Variants in DIP2C observed in about 807,000 individuals in gnomAD.
DIP2C encodes the protein disco-interacting protein 2 homolog C.
DIP2C carries 33 observed loss-of-function variants against 192.4 expected under a neutral mutation model. The observed-to-expected ratio is 0.17, with a 90% CI of 0.13 to 0.23. The LOEUF is 0.23. Ranked by LOEUF, DIP2C falls within the 10% of genes least tolerant of loss-of-function variation. The pLI is 1.00. For synonymous variants in DIP2C, 979 were observed against 864.1 expected (o/e 1.13, Z -2.33); for missense variants, 1,537 against 2,110.1 (o/e 0.73, Z 5.32).
intron 1 of DIP2C, among the ~76,000 whole-genome samples, chr10:686,710 G>A (rs1237057301): frequency 6.6e-6 from 1 of 152,252 alleles, no homozygotes; most frequent in East Asian, 1.9e-4. Context: ...CCCTGTGAGG[G>A]GGCACAGGGC....
Position 300,896 on chromosome 10 carries a change from CCTT to C in DIP2C, c.3986+9132_3986+9134del, listed in dbSNP as rs375196088. 3.4e-4 allele frequency among the ~76,000 whole-genome samples: 52 copies of C among 152,340 alleles called. No homozygotes were observed. The East Asian group carries it at 6.2e-3, about 18-fold the overall frequency. On this transcript the variant is annotated intron_variant, in intron 32 of 36. Coordinates refer to ENST00000280886, the MANE Select transcript of DIP2C (RefSeq NM_014974.3). The stretch of plus-strand genomic sequence containing the variant: ...ACTCGCTCTAAGCAGCCGGGCAACT[CCTT>C]CTCCACAGAAAGGACTTGAAAAGTA...
rs756213161 is a variant in DIP2C, at chr10:277,337, G to C, written c.4659C>G (p.Ala1553=). 7.1e-5 allele frequency: 115 copies of C among 1,613,952 alleles called. No homozygotes were observed. The highest frequency in any genetic ancestry group is 9.6e-5 in the Non-Finnish European group (113 of 1,180,042). The change falls in exon 37 of 37, where the codon GCC becomes GCG. Residue 1553 remains alanine, a synonymous_variant. Transcript: ENST00000280886. ...LADQLDPIYV[A]YNM ...CCAAGAGACGAGACTACATGTTGTA[G>C]GCCACATAGATGGGGTCTAGCTGGT...
chr10:552,069 T>A (rs1588445730), intron 1 of DIP2C, among the ~76,000 whole-genome samples: 1 of 152,298 alleles, frequency 6.6e-6, no homozygotes, highest in Non-Finnish European at 1.5e-5. Flanking sequence ...GAATCCTGGG[T>A]GAGCCAGACT....
At chr10:307,341 TGCA>T (rs1956369525) in intron 32 of DIP2C, among the ~76,000 whole-genome samples, 1 of 152,214 alleles carries the variant, frequency 6.6e-6, no homozygotes, top group African/African-American at 2.4e-5. Flanking sequence ...TGCCAGTGGC[TGCA>T]GCACCAGGCA....
At chr10:673,886 G>A (rs1278113627) in intron 1 of DIP2C, among the ~76,000 whole-genome samples, 1 of 152,222 alleles carries the variant, frequency 6.6e-6, no homozygotes, top group Non-Finnish European at 1.5e-5. Context: ...TTAAGATATT[G>A]AGACCATCAC....
rs1954565865 is a variant in DIP2C, at chr10:277,292, T to C, written c.*33A>G. ...GGACACGGAGAACAATGTCTACATC[T>C]CTAGAAAAGTCCATGGAAGCCAAGA... On this transcript the variant is annotated 3_prime_UTR_variant, in exon 37 of 37. Transcript: ENST00000280886. 6.2e-7 allele frequency: 1 copy of C among 1,609,402 alleles called. No individual in the cohort carries two copies. The highest frequency in any genetic ancestry group is 1.3e-5 in the African/African-American group (1 of 74,856).
At chr10:278,298 G>A (rs931665111) in intron 36 of DIP2C, among the ~76,000 whole-genome samples, 5 of 152,278 alleles carry the variant, frequency 3.3e-5, no homozygotes, top group Admixed American at 6.5e-5. Context: ...TGTCTGTGCA[G>A]TGCGCCTGAG....
intron 1 of DIP2C, among the ~76,000 whole-genome samples, chr10:674,785 T>TAGAGAGAG (rs778232277): frequency 7.6e-5 from 7 of 91,982 alleles, no homozygotes; most frequent in African/African-American, 3.1e-4. Flanking sequence ...TATATATATA[T>TAGAGAGAG]ATATAGAGAG....
intron 2 of DIP2C, among the ~76,000 whole-genome samples, chr10:480,064 G>A (rs1843480642): frequency 6.7e-6 from 1 of 149,570 alleles, no homozygotes. Flanking sequence ...CACGCTCACT[G>A]GATGAGTGTC....
chr10:301,704 C>CA (rs2132268166), intron 32 of DIP2C, among the ~76,000 whole-genome samples: 1 of 152,352 alleles, frequency 6.6e-6, no homozygotes, highest in South Asian at 2.1e-4. Flanking sequence ...CTTGGAGGGG[C>CA]AGGACCCGGG....
intron 1 of DIP2C, among the ~76,000 whole-genome samples, chr10:514,948 CTTT>C (rs534775885): frequency 6.6e-6 from 1 of 152,104 alleles, no homozygotes; most frequent in Non-Finnish European, 1.5e-5. Flanking sequence ...AAAAAACAAG[CTTT>C]TTTTAACTTC....
intron 31 of DIP2C, among the ~76,000 whole-genome samples, chr10:318,594 A>T (rs917652707): frequency 1.3e-5 from 2 of 152,174 alleles, no homozygotes; most frequent in Non-Finnish European, 2.9e-5. Context: ...GGTGCCTCAA[A>T]CTGCCAAAGG....
intron 1 of DIP2C, among the ~76,000 whole-genome samples, chr10:576,619 G>A (rs1181393842): frequency 1.3e-5 from 2 of 152,190 alleles, no homozygotes; most frequent in East Asian, 1.9e-4. Context: ...TATTAAAACA[G>A]AAGATCAGGC....
intron 3 of DIP2C, among the ~76,000 whole-genome samples, chr10:457,058 A>T (rs940214936): frequency 1.3e-5 from 2 of 152,142 alleles, no homozygotes; most frequent in African/African-American, 4.8e-5. Flanking sequence ...ATCCACCTCC[A>T]ATTACGGCAC....
chr10:477,198 C>T (rs1038071184), intron 2 of DIP2C, among the ~76,000 whole-genome samples: 2 of 135,022 alleles, frequency 1.5e-5, no homozygotes, highest in African/African-American at 5.7e-5. Context: ...AAAGAATAGA[C>T]AAATGGATGG....
chr10:627,176 C>T (rs758329251), intron 1 of DIP2C, among the ~76,000 whole-genome samples: 1 of 152,230 alleles, frequency 6.6e-6, no homozygotes, highest in Non-Finnish European at 1.5e-5. Context: ...CCCAGGCCTG[C>T]CCCACACACC....
At chr10:584,857 C>T (rs1196095282) in intron 1 of DIP2C, among the ~76,000 whole-genome samples, 1 of 125,740 alleles carries the variant, frequency 8.0e-6, no homozygotes, top group Non-Finnish European at 1.6e-5. Context: ...CAGATAATCT[C>T]GGGGCCCACA....
At chr10:588,614 C>T (rs950187251) in intron 1 of DIP2C, among the ~76,000 whole-genome samples, 2 of 152,340 alleles carry the variant, frequency 1.3e-5, no homozygotes, top group South Asian at 2.1e-4. Context: ...CAAGTCCAAG[C>T]GCAGAGGCTC....
chr10:668,809 G>A (rs1367360861), intron 1 of DIP2C: 1 of 152,208 alleles, frequency 6.6e-6, no homozygotes, highest in Non-Finnish European at 1.5e-5. Flanking sequence ...CTGCTGTTCA[G>A]ATTCAAGCAT....
Sources: allele counts gnomAD v4.1 joint callset (sites outside exome capture counted in the v4.1 genomes callset), GRCh38; gene constraint gnomAD v4.1.1; transcripts MANE v1.5; gene names NCBI Gene and HGNC (gene_info 2026-07-23, HGNC 2026-07-21).